The following IRAG2 variants were observed in gnomAD, a reference collection of about 807,000 sequenced individuals.
IRAG2 encodes the protein inositol 1,4,5-triphosphate receptor associated 2.
Under a neutral mutation model 69.9 loss-of-function variants are expected in IRAG2, and 45 were observed. The ratio of observed to expected loss-of-function variants is 0.64; its 90% CI spans 0.51 to 0.83. The LOEUF (loss-of-function observed/expected upper bound fraction) is 0.83, where lower values mean the gene tolerates loss of function less well. Ranked by LOEUF, IRAG2 falls within the 40% of genes least tolerant of loss-of-function variation. IRAG2 has a pLI of 0.00. For missense variants in IRAG2, 520 were observed against 587.0 expected (o/e 0.89, Z 1.18); for synonymous variants, 193 against 202.4 (o/e 0.95, Z 0.40).
Position 25,102,005 on chromosome 12 carries a change from T to A in IRAG2, c.890-193T>A, listed in dbSNP as rs886092581. ...TGGACATCACAGTGACACAGAGGAC[T>A]GTATTCCATTGGTTAAGATGGTAAT... On this transcript the variant is annotated intron_variant, in intron 16 of 21. Coordinates refer to ENST00000556887, the MANE Select transcript of IRAG2 (RefSeq NM_001366544.2). 1.3e-5 allele frequency: 9 copies of A among 688,628 alleles called. No individual in the cohort carries two copies. In the Admixed American group the frequency reaches 1.8e-4, roughly 14 times the overall value. The allele number at this position is 688,628 out of a possible 1,614,324, so 42.7% of individuals were successfully genotyped here.
chr12:25,015,155 GTTT>G (rs11352951), intron 3 of IRAG2: 10,907 of 878,968 alleles, frequency 0.012, no homozygotes, highest in East Asian at 0.024. Context: ...CACTGGTTTT[GTTT>G]TTTTTTTTTT....
At position 25,087,996 on chromosome 12, in the gene IRAG2, A is replaced by T. The variant is rs1947757853; in HGVS notation, c.316-104A>T. On this transcript the variant is annotated intron_variant, in intron 10 of 21. Coordinates refer to ENST00000556887, the MANE Select transcript of IRAG2 (RefSeq NM_001366544.2). ...AAAAGGTTGGGGACTGCTGTTATAG[A>T]GTGTTTTTGTCAGAGTAGGCTTAGG... 3.8e-6 allele frequency: 3 copies of T among 795,016 alleles called. No homozygotes were observed. The South Asian group carries it at 4.7e-5, about 12-fold the overall frequency. The allele number at this position is 795,016 out of a possible 1,614,324, so 49.2% of individuals were successfully genotyped here.
At chr12:25,076,520 A>G (rs1332114655) in intron 6 of IRAG2, 1 of 985,060 alleles carries the variant, frequency 1.0e-6, no homozygotes, top group South Asian at 4.7e-5. Flanking sequence ...TTTTTTTGAA[A>G]AGGTTTGCAG....
chr12:25,075,195 C>T (rs1331486600), intron 6 of IRAG2, among the ~76,000 whole-genome samples: 1 of 152,148 alleles, frequency 6.6e-6, no homozygotes, highest in African/African-American at 2.4e-5. Flanking sequence ...CATTGTTCCT[C>T]TTTTTGGAAC....
intron 9 of IRAG2, among the ~76,000 whole-genome samples, chr12:25,027,606 G>A (rs1237069715): frequency 6.6e-6 from 1 of 152,150 alleles, no homozygotes; most frequent in East Asian, 1.9e-4. Context: ...ATGTTAGCCA[G>A]GATGGTCTCA....
At chr12:25,005,393 T>A (rs900599510) in intron 2 of IRAG2, 2 of 880,582 alleles carry the variant, frequency 2.3e-6, no homozygotes, top group Non-Finnish European at 3.0e-6. Flanking sequence ...TTGGTAGGAC[T>A]GTCCAAGTCA....
At chr12:25,058,347 C>T (rs887817994) in intron 1 of IRAG2, among the ~76,000 whole-genome samples, 4 of 152,042 alleles carry the variant, frequency 2.6e-5, no homozygotes, top group Non-Finnish European at 5.9e-5. Context: ...GATGTTGGGA[C>T]CTTTTTCTTG....
chr12:25,029,608 A>G (rs910803518), intron 9 of IRAG2, among the ~76,000 whole-genome samples: 2 of 152,216 alleles, frequency 1.3e-5, no homozygotes, highest in African/African-American at 4.8e-5. Context: ...GATTTGAATA[A>G]ATTGATATAT....
intron 1 of IRAG2, 95 bp downstream of exon 1, chr12:25,053,051 T>C: frequency 5.0e-6 from 2 of 397,070 alleles, no homozygotes; most frequent in Admixed American, 8.8e-5. Context: ...GCTAGGATAT[T>C]ATTCCTGAGT....
rs536996352 is a variant in IRAG2 at position 25,032,296 on chromosome 12, C to T, written c.1579-9C>T. 3.0e-5 allele frequency: 12 copies of T among 398,828 alleles called. 1 individual carries two copies. The highest frequency in any genetic ancestry group is 2.5e-4 in the South Asian group (2 of 7,862). The allele number at this position is 398,828 out of a possible 1,614,324, so 24.7% of individuals were successfully genotyped here. On this transcript the variant is annotated splice_polypyrimidine_tract_variant and intron_variant, in intron 11 of 38. Transcript: ENST00000636465. ...AACATGTACAGCCTAATGTTGTGTG[C>T]GATTCCAGAATTTACGAGGGGAAAA...
Position 25,069,493 on chromosome 12 carries a change from T to C in IRAG2, c.24+62T>C, listed in dbSNP as rs556775854. On this transcript the variant is annotated intron_variant, in intron 6 of 21. Coordinates refer to ENST00000556887, the MANE Select transcript of IRAG2 (RefSeq NM_001366544.2). ...ATTACCATATCCTGTTCTTCTTCTA[T>C]GGGTATTCTTTTTCCCTGTCTTTTT... 6.5e-6 allele frequency: 9 copies of C among 1,382,466 alleles called. No homozygotes were observed. In the East Asian group the frequency reaches 9.2e-5, roughly 14 times the overall value. The allele number at this position is 1,382,466 out of a possible 1,614,324, so 85.6% of individuals were successfully genotyped here.
chr12:25,040,432 G>GT (rs1383362470), intron 16 of IRAG2, among the ~76,000 whole-genome samples: 3 of 152,102 alleles, frequency 2.0e-5, no homozygotes, highest in Non-Finnish European at 4.4e-5. Context: ...GAGCCCAGGA[G>GT]TTTGAGGCTA....
At chr12:25,011,177 G>A (rs1003391483) in intron 2 of IRAG2, among the ~76,000 whole-genome samples, 32 of 152,170 alleles carry the variant, frequency 2.1e-4, no homozygotes, top group African/African-American at 7.7e-4. Flanking sequence ...TCAGAGCCAA[G>A]ATTTGACACT....
intron 6 of IRAG2, among the ~76,000 whole-genome samples, chr12:25,072,241 A>G (rs10743533): frequency 0.33 from 49,729 of 152,044 alleles, 8,723 homozygotes; most frequent in East Asian, 0.67. Context: ...AAAAAAAGAA[A>G]TAGGTGCTAA....
At position 25,015,099 on chromosome 12, in the gene IRAG2, A is replaced by G. The variant is rs999814754; in HGVS notation, c.897-83A>G. On this transcript the variant is annotated intron_variant, in intron 3 of 38. Coordinates refer to the IRAG2 transcript ENST00000636465. Reference sequence around the variant, plus strand: ...CAGAGCATAAATCTGAAAAAAAAAAAAAAAAAAAAAAAAGACAAAACTTGG... The same window carrying G: ...CAGAGCATAAATCTGAAAAAAAAAAGAAAAAAAAAAAAAGACAAAACTTGG... 1.6e-5 allele frequency: 4 copies of G among 256,464 alleles called. No homozygotes were observed. In the Admixed American group the frequency reaches 2.7e-4, roughly 17 times the overall value. The allele number at this position is 256,464 out of a possible 1,614,324, so 15.9% of individuals were successfully genotyped here. A position where few individuals can be genotyped will look rare whatever the true frequency, so the allele number is the denominator to read the frequency against.
exon 1 of IRAG2, chr12:25,004,399 A>G: frequency 8.1e-7 from 1 of 1,232,202 alleles, no homozygotes; most frequent in Non-Finnish European, 1.0e-6. Context: ...AAGCATCTGT[A>G]GAAAGATCAG....
chr12:25,039,492 G>A (rs377297293), intron 16 of IRAG2, among the ~76,000 whole-genome samples: 19 of 152,280 alleles, frequency 1.2e-4, no homozygotes, highest in East Asian at 9.7e-4. Context: ...GTGCAGTGGC[G>A]TGATCTCTGC....
chr12:25,041,518 A>T (rs776410320), intron 16 of IRAG2, among the ~76,000 whole-genome samples: 3 of 151,700 alleles, frequency 2.0e-5, no homozygotes, highest in Non-Finnish European at 4.4e-5. Flanking sequence ...GTCTCACTTC[A>T]TCACCCAGAC....
chr12:25,079,917 A>C (rs577587153), intron 9 of IRAG2, among the ~76,000 whole-genome samples, 154 bp downstream of exon 9: 1 of 152,220 alleles, frequency 6.6e-6, no homozygotes, highest in Non-Finnish European at 1.5e-5. Context: ...TATAGTCTGC[A>C]GAAAAGAAAT....
Sources: gnomAD v4.1 joint callset for allele counts (sites outside exome capture counted in the v4.1 genomes callset) on GRCh38, gnomAD v4.1.1 for gene constraint, MANE v1.5 for transcripts, NCBI Gene and HGNC (gene_info 2026-07-23, HGNC 2026-07-21) for gene names.